PPEF1: variants seen among roughly 807,000 people sequenced by gnomAD.
PPEF1 encodes the protein serine/threonine-protein phosphatase with EF-hands 1.
A neutral mutation model predicts 53.3 loss-of-function variants in PPEF1; 12 were observed. The ratio of observed to expected loss-of-function variants is 0.23; its 90% CI spans 0.14 to 0.36. The LOEUF is 0.36. Among genes scored for constraint, PPEF1 ranks in the 10% least tolerant of loss-of-function variants. The pLI is 1.00. For missense variants in PPEF1, 334 were observed against 490.4 expected, an observed-to-expected ratio of 0.68 and a Z score of 3.01; for synonymous variants, 165 against 176.7, an observed-to-expected ratio of 0.93 and a Z score of 0.52.
At chrX:18,762,509 CTAAAGT>C (rs2147511536) in intron 6 of PPEF1, among the ~76,000 whole-genome samples, 1 of 111,731 alleles carries the variant, frequency 9.0e-6, no homozygotes, top group East Asian at 2.8e-4. Context: ...AGTCCATAGA[CTAAAGT>C]GAAAGCAAGT....
At chrX:18,783,410 CATAGTATCAAAA>C (rs1299232303) in intron 8 of PPEF1, among the ~76,000 whole-genome samples, 2 of 110,810 alleles carry the variant, frequency 1.8e-5, no homozygotes, top group East Asian at 5.7e-4. Context: ...CCCAAGATGT[CATAGTATCAAAA>C]ATACAGAATA....
intron 1 of PPEF1, among the ~76,000 whole-genome samples, chrX:18,715,073 T>G (rs189577718): frequency 8.9e-6 from 1 of 111,905 alleles, no homozygotes; most frequent in East Asian, 2.8e-4. Context: ...CCAGCTTCCA[T>G]GTAGAGAAGT....
intron 10 of PPEF1, among the ~76,000 whole-genome samples, chrX:18,801,350 C>T (rs1407584666): frequency 2.9e-4 from 33 of 111,921 alleles, no homozygotes; most frequent in Non-Finnish European, 1.9e-5. Context: ...TTTTTCCTCA[C>T]TTATTTTCTA....
At chrX:18,825,905 G>T in intron 15 of PPEF1, 70 bp downstream of exon 15, 1 of 762,959 alleles carries the variant, frequency 1.3e-6, no homozygotes, top group South Asian at 2.8e-5. Flanking sequence ...GATACAAAAT[G>T]AGTACACTTT....
chrX:18,734,922 T>C (rs1388992115), intron 3 of PPEF1, among the ~76,000 whole-genome samples: 3 of 112,498 alleles, frequency 2.7e-5, no homozygotes, highest in African/African-American at 9.7e-5. Flanking sequence ...TGCATAAATG[T>C]CTTCTTTTGA....
chrX:18,740,067 G>C (rs932750834), intron 3 of PPEF1, among the ~76,000 whole-genome samples: 5 of 112,300 alleles, frequency 4.5e-5, no homozygotes, highest in Admixed American at 1.9e-4. Flanking sequence ...GGAATTCCCC[G>C]ACCCCTTGCC....
chrX:18,780,099 A>C (rs1302748306), intron 7 of PPEF1, among the ~76,000 whole-genome samples: 1 of 112,163 alleles, frequency 8.9e-6, no homozygotes, highest in Non-Finnish European at 1.9e-5. Flanking sequence ...CTTATTGCCT[A>C]TCGTATTTAT....
intron 10 of PPEF1, among the ~76,000 whole-genome samples, chrX:18,790,709 C>CT (rs1019993892): frequency 6.5e-5 from 7 of 107,013 alleles, no homozygotes; most frequent in African/African-American, 2.4e-4. Flanking sequence ...TTTTTTTTTT[C>CT]TTTTTTTTGA....
intron 12 of PPEF1, among the ~76,000 whole-genome samples, chrX:18,811,615 A>AT (rs772854787): frequency 2.1e-3 from 17 of 8,231 alleles, no homozygotes; most frequent in South Asian, 5.6e-3. Flanking sequence ...ATATATATAT[A>AT]TTTTTTTTTT....
intron 13 of PPEF1, 29 bp downstream of exon 13, chrX:18,818,174 T>G (rs1247469782): frequency 9.9e-7 from 1 of 1,005,036 alleles, no homozygotes; most frequent in African/African-American, 1.9e-5. Context: ...ATTTACCATT[T>G]CTTAACACAC....
chrX:18,705,907 A>T (rs1262462732), upstream of PPEF1, among the ~76,000 whole-genome samples: 2 of 111,303 alleles, frequency 1.8e-5, no homozygotes, highest in Non-Finnish European at 3.8e-5. Flanking sequence ...GAAATTTTGA[A>T]GCTTTTGGTG....
chrX:18,767,591 C>T (rs1334472895), intron 6 of PPEF1, among the ~76,000 whole-genome samples: 2 of 112,224 alleles, frequency 1.8e-5, no homozygotes, highest in Non-Finnish European at 3.8e-5. Context: ...ATTTTAAAAA[C>T]TTCCAGCCAA....
chrX:18,815,379 C>T (rs2046884981), intron 12 of PPEF1, among the ~76,000 whole-genome samples: 1 of 112,002 alleles, frequency 8.9e-6, no homozygotes, highest in Non-Finnish European at 1.9e-5. Context: ...CCCACCTCTT[C>T]TTTTTGGAAG....
chrX:18,804,073 G>A lies in PPEF1; in HGVS notation c.1247G>A (p.Gly416Glu). 1.7e-6 allele frequency: 2 copies of A among 1,190,806 alleles called. No individual in the cohort carries two copies. The highest frequency in any genetic ancestry group is 2.3e-6 in the Non-Finnish European group (2 of 882,132). ...KPEGYEICHD[G>E]KVVTIFSASN... ...GAAGGGTATGAAATCTGTCATGATG[G>A]GAAGGTAAGCTAAAATTGTTGGTGA... Residue 416 changes from glycine to glutamate, a missense_variant, in exon 11 of 16, where the codon GGG becomes GAG. Transcript: ENST00000470157.
intron 13 of PPEF1, among the ~76,000 whole-genome samples, chrX:18,818,405 CTG>C (rs2046963594): frequency 1.1e-5 from 1 of 93,544 alleles, no homozygotes; most frequent in African/African-American, 4.1e-5. Context: ...GAGTCTTGTT[CTG>C]TTGCCCAGGC....
intron 1 of PPEF1, among the ~76,000 whole-genome samples, chrX:18,711,068 ATG>A (rs1388805176): frequency 3.6e-5 from 3 of 83,767 alleles, no homozygotes; most frequent in African/African-American, 4.6e-5. Context: ...GCATATATAT[ATG>A]TATATATATG....
intron 1 of PPEF1, among the ~76,000 whole-genome samples, chrX:18,725,403 G>T (rs2044683880): frequency 8.9e-6 from 1 of 111,769 alleles, no homozygotes; most frequent in South Asian, 3.7e-4. Context: ...TATCTCCGGG[G>T]CTGCCATGAG....
At chrX:18,815,005 C>T (rs1304675141) in intron 12 of PPEF1, among the ~76,000 whole-genome samples, 1 of 111,525 alleles carries the variant, frequency 9.0e-6, no homozygotes, top group Non-Finnish European at 1.9e-5. Flanking sequence ...TCTAATCCAT[C>T]TTGAGTTAAT....
intron 6 of PPEF1, among the ~76,000 whole-genome samples, chrX:18,702,380 A>G (rs1762004723): frequency 9.2e-6 from 1 of 108,117 alleles, no homozygotes; most frequent in African/African-American, 3.4e-5. Flanking sequence ...AGCTAAAGCC[A>G]ATTTCTTGCT....
Sources: gnomAD v4.1 joint callset for allele counts (sites outside exome capture counted in the v4.1 genomes callset) on GRCh38, gnomAD v4.1.1 for gene constraint, MANE v1.5 for transcripts, NCBI Gene and HGNC (gene_info 2026-07-23, HGNC 2026-07-21) for gene names.